PSMB10: variants seen among roughly 807,000 people sequenced by gnomAD.
PSMB10 encodes proteasome 20S subunit beta 10, also known as proteasome subunit beta type-10.
Under a neutral mutation model 29.8 loss-of-function variants are expected in PSMB10, and 29 were observed. That is an observed-to-expected ratio of 0.97 (90% CI 0.73 to 1.33). The LOEUF is 1.33. Ranked by LOEUF, PSMB10 falls within the 40% of genes most tolerant of loss-of-function variation. The probability of loss-of-function intolerance (pLI) is 0.00; values close to 1 mark genes in which losing one functional copy is unlikely to be tolerated. For missense variants in PSMB10, 327 were observed against 369.2 expected (o/e 0.89, Z 0.94); for synonymous variants, 157 against 164.7 (o/e 0.95, Z 0.36).
intron 4 of PSMB10, 21 bp from the exon 5 acceptor site, chr16:67,935,718 T>A (rs1184838979): frequency 6.2e-7 from 1 of 1,610,792 alleles, no homozygotes; most frequent in Non-Finnish European, 8.5e-7. Flanking sequence ...ATGGGCGGGG[T>A]CGGCCACAAG....
In PSMB10 at chr16:67,936,482, A is replaced by G. The variant is rs1408127378; in HGVS notation, c.60T>C (p.Asn20=). 2 of 1,612,584 alleles carry G rather than the reference A, an allele frequency of 1.2e-6. No individual in the cohort carries two copies. Among genetic ancestry groups the G allele is most frequent in the South Asian group, 1.1e-5 (1 of 90,930 alleles). ...CCGGGAGGACGCGTTCCAATGATGCATTTCTGGAAACGGAGGAGGGCGCCC... is the reference window on the plus strand; with the variant it reads ...CCGGGAGGACGCGTTCCAATGATGCGTTTCTGGAAACGGAGGAGGGCGCCC... ...GGFSFENCQR[N]ASLERVLPGL... is the part of the protein sequence containing the mutation. Residue 20 remains asparagine, a synonymous_variant, in exon 2 of 8, where the codon AAT becomes AAC. Transcript: ENST00000358514.
intron 1 of PSMB10, 36 bp downstream of exon 1, chr16:67,936,658 G>T: frequency 6.5e-7 from 1 of 1,541,780 alleles, no homozygotes; most frequent in Non-Finnish European, 8.8e-7. Context: ...AGCAGAGGCG[G>T]CTCAGGAGTG....
At chr16:67,936,166 G>T in intron 3 of PSMB10, 49 bp downstream of exon 3, 1 of 1,610,466 alleles carries the variant, frequency 6.2e-7, no homozygotes, top group Non-Finnish European at 8.5e-7. Context: ...GAGTGGGAAC[G>T]AGGGGGCCGT....
intron 6 of PSMB10, 167 bp downstream of exon 6, chr16:67,935,253 G>A (rs1242688306): frequency 1.5e-5 from 12 of 825,080 alleles, no homozygotes; most frequent in Admixed American, 2.5e-5. Flanking sequence ...GTATTGGACG[G>A]TGTTATGTCG....
chr16:67,935,142 C>G, intron 6 of PSMB10, 194 bp from the exon 7 acceptor site: 1 of 760,768 alleles, frequency 1.3e-6, no homozygotes, highest in Non-Finnish European at 2.1e-6. Context: ...AATCTAGGCT[C>G]CAGACGTTGA....
At chr16:67,935,333 C>T (rs1380666972) in intron 6 of PSMB10, 87 bp downstream of exon 6, 2 of 1,552,322 alleles carry the variant, frequency 1.3e-6, no homozygotes, top group East Asian at 2.2e-5. Flanking sequence ...CCTTAGCCAC[C>T]CGCACTGGGC....
At position 67,936,309 on chromosome 16, in the gene PSMB10, C is replaced by A; in HGVS notation, c.148G>T (p.Gly50Trp). 1 of 1,613,126 alleles carries A rather than the reference C, an allele frequency of 6.2e-7. No homozygotes were observed. Among genetic ancestry groups the A allele is most frequent in the Non-Finnish European group, 8.5e-7 (1 of 1,179,510 alleles). ...CGCGTATCGGCGCCCAGAATGACCCCGTCCTGAGGAGAGGGAGGGACCGCA... is the reference window on the plus strand; with the variant it reads ...CGCGTATCGGCGCCCAGAATGACCCAGTCCTGAGGAGAGGGAGGGACCGCA... ...TTIAGLVFQDGVILGADTRAT... is the reference protein window; with the variant it reads ...TTIAGLVFQDWVILGADTRAT... The change falls in exon 3 of 8, where the codon GGG (glycine) becomes TGG (tryptophan). Residue 50 changes from glycine (G) to tryptophan (W), a missense_variant. Physicochemically the swap from Gly to Trp is radical, Grantham distance 184. Coordinates refer to ENST00000358514, the MANE Select transcript of PSMB10 (RefSeq NM_002801.4).
rs1127725 is a variant in PSMB10 at position 67,936,796 on chromosome 16, C to T, written c.-47G>A. 0.014 allele frequency: 21,546 copies of T among 1,505,010 alleles called. 1,318 individuals are homozygous for T. In the African/African-American group the frequency reaches 0.18, roughly 13 times the overall value. 93.2% of individuals were successfully genotyped at this position (1,505,010 alleles called of 1,614,324 possible). A position where few individuals can be genotyped will look rare whatever the true frequency, so the allele number is the denominator to read the frequency against. On this transcript the variant is annotated 5_prime_UTR_variant, in exon 1 of 8. Coordinates refer to ENST00000358514, the MANE Select transcript of PSMB10 (RefSeq NM_002801.4). The stretch of plus-strand genomic sequence containing the variant: ...TAGGGGTCGCGGGCGGATGAGTCGG[C>T]CAGACAAGCGGGGCCAGTGAGCAGC...
intron 1 of PSMB10, 59 bp downstream of exon 1, chr16:67,936,635 A>G: frequency 2.0e-6 from 3 of 1,502,200 alleles, no homozygotes; most frequent in Non-Finnish European, 2.7e-6. Context: ...GCCAGGAAAA[A>G]AGGCCACGAG....
chr16:67,934,781 G>C lies in PSMB10; in HGVS notation c.710+16C>G, dbSNP rs761052814. The C allele has an allele frequency of 1.2e-6, 2 of 1,612,146 alleles. No individual in the cohort carries two copies. Among genetic ancestry groups the C allele is most frequent in the Non-Finnish European group, 1.7e-6 (2 of 1,178,480 alleles). ...AGCCCCACACATCCCTGTGGTCCCC[G>C]ATCTCCAGCTCTCACCTCTTCACGG... On this transcript the variant is annotated intron_variant, in intron 7 of 7. Transcript: ENST00000358514. The surrounding 1 kb of genome is among the most constrained non-coding windows in gnomAD (Gnocchi z 4.3).
At chr16:67,935,823 C>T (rs2058260959) in intron 4 of PSMB10, 126 bp from the exon 5 acceptor site, 8 of 1,479,086 alleles carry the variant, frequency 5.4e-6, no homozygotes, top group Admixed American at 2.1e-5. Context: ...ATCGCCTTTT[C>T]CTGTAGCCCA....
chr16:67,935,734 G>C, intron 4 of PSMB10, 37 bp from the exon 5 acceptor site: 2 of 1,602,644 alleles, frequency 1.2e-6, no homozygotes, highest in Non-Finnish European at 1.7e-6. Context: ...ACAAGCTGGG[G>C]CCTAGGCCCC....
At chr16:67,936,560 G>A (rs1204466646) in intron 1 of PSMB10, 75 bp from the exon 2 acceptor site, 24 of 1,464,110 alleles carry the variant, frequency 1.6e-5, no homozygotes, top group Admixed American at 4.1e-5. Flanking sequence ...CCTGGTCCCC[G>A]TCTCCCTCAT....
rs1433878631 is a variant in PSMB10, at chr16:67,936,794, G to C, written c.-45C>G. 3.3e-6 allele frequency: 5 copies of C among 1,509,040 alleles called. No homozygotes were observed. In the African/African-American group the frequency reaches 4.2e-5, roughly 13 times the overall value. 93.5% of individuals were successfully genotyped at this position (1,509,040 alleles called of 1,614,324 possible). On this transcript the variant is annotated 5_prime_UTR_variant, in exon 1 of 8. Coordinates refer to ENST00000358514, the MANE Select transcript of PSMB10 (RefSeq NM_002801.4). ...ATTAGGGGTCGCGGGCGGATGAGTC[G>C]GCCAGACAAGCGGGGCCAGTGAGCA...
At chr16:67,935,081 C>T in intron 6 of PSMB10, 133 bp from the exon 7 acceptor site, 1 of 1,207,078 alleles carries the variant, frequency 8.3e-7, no homozygotes, top group East Asian at 2.4e-5. Context: ...TCCCTCTGAG[C>T]CTTAGCCACC....
In PSMB10 at chr16:67,934,878, C is replaced by A; in HGVS notation, c.629G>T (p.Gly210Val). ...TGTGATCACACATGCGTCCACATTG[C>A]CCCCGGAGCCCAGGTCACCCAAGAT... ...AGILGDLGSG[G>V]NVDACVITKT... Residue 210 changes from glycine to valine, a missense_variant, in exon 7 of 8, where the codon GGC becomes GTC. Physicochemically the swap from Gly to Val is moderately radical, Grantham distance 109. Coordinates refer to ENST00000358514, the MANE Select transcript of PSMB10 (RefSeq NM_002801.4). The surrounding 1 kb of genome is among the most constrained non-coding windows in gnomAD (Gnocchi z 4.3). 6.2e-7 allele frequency: 1 copy of A among 1,613,796 alleles called. No homozygotes were observed.
chr16:67,936,204 G>T lies in PSMB10; in HGVS notation c.242+11C>A. 5 of 1,613,762 alleles carry T rather than the reference G, an allele frequency of 3.1e-6. No individual in the cohort carries two copies. In the South Asian group the frequency reaches 5.5e-5, roughly 18 times the overall value. On this transcript the variant is annotated intron_variant, in intron 3 of 7. Coordinates refer to ENST00000358514, the MANE Select transcript of PSMB10 (RefSeq NM_002801.4). The stretch of plus-strand genomic sequence containing the variant: ...TTTTTTGCGTACGGGAACTGGGCTC[G>T]GGAGTCTCACTAGATTTTGGGGGCG...
rs766025776 is a variant in PSMB10, at chr16:67,934,923, AC to A, written c.583del (p.Val195TrpfsTer22). ...CAAGATCCCGGCGGTGACGGCTTCC[AC>A]CAGCAGCCCCTGAGCAGCCTCCAGC... is the stretch of plus-strand genomic sequence containing the variant. Reference protein sequence around the residue: ...MTLEAAQGLLVEAVTAGILGD... With the variant: ...MTLEAAQGLLXEAVTAGILGD... On this transcript the variant is annotated frameshift_variant, in exon 7 of 8. Coordinates refer to ENST00000358514, the MANE Select transcript of PSMB10 (RefSeq NM_002801.4). LOFTEE classifies it high-confidence loss of function. The surrounding 1 kb of genome is among the most constrained non-coding windows in gnomAD (Gnocchi z 4.3). The A allele has an allele frequency of 6.2e-7, 1 of 1,612,554 alleles. No homozygotes were observed. The highest frequency in any genetic ancestry group is 8.5e-7 in the Non-Finnish European group (1 of 1,179,968).
chr16:67,936,394 T>C lies in PSMB10; in HGVS notation c.144+4A>G. The C allele has an allele frequency of 6.2e-7, 1 of 1,612,770 alleles. No individual in the cohort carries two copies. Among genetic ancestry groups the C allele is most frequent in the South Asian group, 1.1e-5 (1 of 91,012 alleles). On this transcript the variant is annotated splice_donor_region_variant and intron_variant, in intron 2 of 7. Coordinates refer to ENST00000358514, the MANE Select transcript of PSMB10 (RefSeq NM_002801.4). ...CCAGCTCCCCGTCCCTCCCCGCTGC[T>C]CACTTGGAACACCAGGCCCGCGATG...
Sources: allele counts gnomAD v4.1 joint callset, GRCh38; gene constraint gnomAD v4.1.1; non-coding constraint Gnocchi (gnomAD v3.1); transcripts MANE v1.5; gene names NCBI Gene and HGNC (gene_info 2026-07-23, HGNC 2026-07-21).